RIPOR3: variants seen among roughly 807,000 people sequenced by gnomAD.
The protein encoded by RIPOR3 is RIPOR family member 3.
RIPOR3 carries 95 observed loss-of-function variants against 114.3 expected under a neutral mutation model. The observed-to-expected ratio is 0.83, with a 90% CI of 0.70 to 0.99. The LOEUF is 0.99. RIPOR3 is among the 50% of genes least tolerant of loss of function. RIPOR3 has a pLI of 0.00. For synonymous variants in RIPOR3, 575 were observed against 543.8 expected (o/e 1.06, Z -0.80); for missense variants, 1,252 against 1,266.9 (o/e 0.99, Z 0.18).
intron 2 of RIPOR3, among the ~76,000 whole-genome samples, chr20:50,624,754 C>T (rs1011327920): frequency 1.3e-5 from 2 of 152,228 alleles, no homozygotes; most frequent in Admixed American, 1.3e-4. Flanking sequence ...GCACGTGCAA[C>T]CTGCCGGCCC....
rs1174314889 is a variant in RIPOR3, at chr20:50,602,199, TC to T, written c.1531del (p.Asp511ThrfsTer18). 2 of 1,613,708 alleles carry T rather than the reference TC, an allele frequency of 1.2e-6. No individual in the cohort carries two copies. Among genetic ancestry groups the T allele is most frequent in the Non-Finnish European group, 1.7e-6 (2 of 1,179,924 alleles). ...CCCCTCGAGGGCCACGCCAGGCCCG[TC>T]CTCTCTGTCCCCGGTTGCCCCTTCC... ...HEEGATGDREDGPGVALEGPL... is the reference protein window; with the variant it reads ...HEEGATGDREXGPGVALEGPL... On this transcript the variant is annotated frameshift_variant, in exon 13 of 22. Coordinates refer to ENST00000327979, the MANE Select transcript of RIPOR3 (RefSeq NM_001290268.2). LOFTEE classifies it high-confidence loss of function. The surrounding 1 kb of genome is among the most constrained non-coding windows in gnomAD (Gnocchi z 4.3).
chr20:50,590,147 G>T, intron 19 of RIPOR3: 1 of 233,990 alleles, frequency 4.3e-6, no homozygotes, highest in Non-Finnish European at 8.7e-6. Flanking sequence ...CTGAAAACGG[G>T]CAAGGCTGCT....
At chr20:50,674,244 C>A (rs1433565949) in intron 1 of RIPOR3, among the ~76,000 whole-genome samples, 1 of 152,046 alleles carries the variant, frequency 6.6e-6, no homozygotes, top group African/African-American at 2.4e-5. Flanking sequence ...AAAACCTTGC[C>A]AGCTTTGGAG....
In RIPOR3 at chr20:50,609,305, T is replaced by G. The variant is rs942885715; in HGVS notation, c.628A>C (p.Ile210Leu). 1.4e-5 allele frequency: 23 copies of G among 1,613,786 alleles called. No homozygotes were observed. The highest frequency in any genetic ancestry group is 1.9e-5 in the Non-Finnish European group (22 of 1,179,862). Reference sequence around the variant, plus strand: ...TCAGCCCTGTTACCTTTCATCCTGATGTGGAACTCGCCCAGGTGAACCTCC... The same window carrying G: ...TCAGCCCTGTTACCTTTCATCCTGAGGTGGAACTCGCCCAGGTGAACCTCC... ...ALEVHLGEFH[I>L]RMKGLVGYAR... is the part of the protein sequence containing the mutation. Residue 210 changes from isoleucine (I) to leucine (L), a missense_variant, in exon 8 of 22, where the codon ATC becomes CTC. Ile to Leu is a conservative substitution (Grantham distance 5, BLOSUM62 2). Transcript: ENST00000327979.
chr20:50,620,941 G>A (rs1265451360), intron 2 of RIPOR3: 8 of 531,798 alleles, frequency 1.5e-5, no homozygotes, highest in Non-Finnish European at 2.2e-5. Flanking sequence ...TGGAGTTACT[G>A]AAGGTCTCCA....
chr20:50,656,651 C>G (rs2085822324), intron 1 of RIPOR3, among the ~76,000 whole-genome samples: 1 of 152,104 alleles, frequency 6.6e-6, no homozygotes, highest in South Asian at 2.1e-4. Flanking sequence ...AGGCACCCAC[C>G]ACCATGCCCG....
intron 1 of RIPOR3, among the ~76,000 whole-genome samples, chr20:50,661,242 TA>T (rs201768087): frequency 6.2e-5 from 9 of 145,320 alleles, no homozygotes; most frequent in Non-Finnish European, 7.6e-5. Context: ...TCTTAAAAAA[TA>T]AAAAAAAAAA....
chr20:50,597,774 G>A, intron 13 of RIPOR3, 64 bp from the exon 14 acceptor site: 5 of 1,573,720 alleles, frequency 3.2e-6, no homozygotes, highest in Non-Finnish European at 4.3e-6. Flanking sequence ...TGGGACACTG[G>A]CCAGGGGCCT....
At chr20:50,592,102 A>G (rs1453317642) in intron 19 of RIPOR3, among the ~76,000 whole-genome samples, 1 of 152,194 alleles carries the variant, frequency 6.6e-6, no homozygotes, top group Non-Finnish European at 1.5e-5. Context: ...ACAGACAAAA[A>G]ACGCACTAAG....
At chr20:50,647,055 C>T (rs1171955957) in intron 1 of RIPOR3, among the ~76,000 whole-genome samples, 1 of 152,224 alleles carries the variant, frequency 6.6e-6, no homozygotes, top group Non-Finnish European at 1.5e-5. Context: ...GGCGTGGTGG[C>T]TCACACCTGT....
At chr20:50,609,114 G>A (rs2083850383) in intron 8 of RIPOR3, among the ~76,000 whole-genome samples, 159 bp from the exon 9 acceptor site, 1 of 152,180 alleles carries the variant, frequency 6.6e-6, no homozygotes, top group Non-Finnish European at 1.5e-5. Context: ...GACAGAGGGT[G>A]CTGGGCCCTC....
intron 1 of RIPOR3, among the ~76,000 whole-genome samples, chr20:50,642,920 T>A (rs1309285558): frequency 6.6e-6 from 1 of 151,838 alleles, no homozygotes; most frequent in Non-Finnish European, 1.5e-5. Context: ...TAGTGGCACA[T>A]GCCTGTAATC....
At chr20:50,671,418 ACGCGCG>A (rs201780156) in intron 1 of RIPOR3, among the ~76,000 whole-genome samples, 90 of 21,104 alleles carry the variant, frequency 4.3e-3, no homozygotes, top group African/African-American at 8.1e-3. Context: ...GCGCGCGTGC[ACGCGCG>A]CGCGCACACA....
chr20:50,621,970 TC>T (rs980674988), intron 2 of RIPOR3, among the ~76,000 whole-genome samples: 2 of 152,148 alleles, frequency 1.3e-5, no homozygotes, highest in African/African-American at 4.8e-5. Context: ...AGAGCTGGTT[TC>T]CCTGGCATCT....
chr20:50,673,163 G>C (rs975531389), intron 1 of RIPOR3, among the ~76,000 whole-genome samples: 2 of 152,102 alleles, frequency 1.3e-5, no homozygotes, highest in Non-Finnish European at 2.9e-5. Flanking sequence ...TTCTGTCTGC[G>C]TCCCAGCCTC....
intron 1 of RIPOR3, among the ~76,000 whole-genome samples, chr20:50,642,648 G>C (rs2426190): frequency 0.49 from 72,573 of 149,242 alleles, 20,331 homozygotes; most frequent in African/African-American, 0.79. Flanking sequence ...CAGAAATACC[G>C]TGAATTTGTC....
chr20:50,623,909 T>C (rs1283494031), intron 2 of RIPOR3, among the ~76,000 whole-genome samples: 1 of 152,242 alleles, frequency 6.6e-6, no homozygotes, highest in Non-Finnish European at 1.5e-5. Context: ...CGATCTCTGC[T>C]CACTGCAACC....
At chr20:50,623,993 C>T (rs772058591) in intron 2 of RIPOR3, among the ~76,000 whole-genome samples, 2 of 150,728 alleles carry the variant, frequency 1.3e-5, no homozygotes, top group Admixed American at 6.6e-5. Flanking sequence ...TCTGCTACCA[C>T]GTCCAGTAAT....
At chr20:50,690,771 GGCTTACCGGGATTTCCCGAGCCGAC>G (rs1258124599) in intron 1 of RIPOR3, among the ~76,000 whole-genome samples, 2 of 152,134 alleles carry the variant, frequency 1.3e-5, no homozygotes, top group Non-Finnish European at 2.9e-5. Flanking sequence ...CCCTGCAGGG[GGCTTACCGGGATTTCCCGAGCCGAC>G]GCTTCAAAAA....
Sources: allele counts gnomAD v4.1 joint callset (sites outside exome capture counted in the v4.1 genomes callset), GRCh38; gene constraint gnomAD v4.1.1; non-coding constraint Gnocchi (gnomAD v3.1); transcripts MANE v1.5; gene names NCBI Gene and HGNC (gene_info 2026-07-23, HGNC 2026-07-21).